CCDC178: variants seen among roughly 807,000 people sequenced by gnomAD.
The protein encoded by CCDC178 is coiled-coil domain-containing protein 178.
Under a neutral mutation model 117.4 loss-of-function variants are expected in CCDC178, and 126 were observed. That is an observed-to-expected ratio of 1.07 (90% CI 0.93 to 1.24). CCDC178 has a LOEUF of 1.24. Among genes scored for constraint, CCDC178 ranks in the 50% most tolerant of loss-of-function variants. CCDC178 has a pLI of 0.00. For synonymous variants in CCDC178, 283 were observed against 313.4 expected (o/e 0.90, Z 1.02); for missense variants, 1,030 against 986.9 (o/e 1.04, Z -0.59).
intron 21 of CCDC178, among the ~76,000 whole-genome samples, chr18:33,019,380 A>G (rs561387239): frequency 2.9e-4 from 44 of 152,178 alleles, no homozygotes; most frequent in Non-Finnish European, 5.9e-4. Flanking sequence ...TCAGGCTGCC[A>G]TATGGAAAAC....
rs1439544042 is a variant in CCDC178 at position 33,147,607 on chromosome 18, A to G, written c.2239-54697T>C. 3.3e-5 allele frequency among the ~76,000 whole-genome samples: 5 copies of G among 151,770 alleles called. No homozygotes were observed. In the South Asian group the frequency reaches 1.0e-3, roughly 32 times the overall value. On this transcript the variant is annotated intron_variant, in intron 20 of 22. Transcript: ENST00000383096. ...TGCTGCCTTCAAGCATCTGTTTAACAAAGCACATCTTGCACCACCCTTAAT... is the reference window on the plus strand; with the variant it reads ...TGCTGCCTTCAAGCATCTGTTTAACGAAGCACATCTTGCACCACCCTTAAT...
chr18:33,095,206 C>G (rs1236009019), intron 20 of CCDC178, among the ~76,000 whole-genome samples: 2 of 151,802 alleles, frequency 1.3e-5, no homozygotes, highest in Non-Finnish European at 2.9e-5. Context: ...ACATATAACA[C>G]TTTCTCAAAG....
chr18:33,404,534 G>A (rs1171357907), intron 3 of CCDC178, among the ~76,000 whole-genome samples: 1 of 151,956 alleles, frequency 6.6e-6, no homozygotes, highest in Non-Finnish European at 1.5e-5. Flanking sequence ...CTGCTTCTGT[G>A]GAAAGCAATT....
At chr18:33,411,550 AT>A (rs2063854399) in intron 3 of CCDC178, among the ~76,000 whole-genome samples, 1 of 151,648 alleles carries the variant, frequency 6.6e-6, no homozygotes, top group South Asian at 2.1e-4. Flanking sequence ...ATGCAAAAAA[AT>A]AAAGTAATGC....
At chr18:33,396,666 C>A (rs917322736) in intron 4 of CCDC178, among the ~76,000 whole-genome samples, 8 of 152,030 alleles carry the variant, frequency 5.3e-5, no homozygotes, top group African/African-American at 1.2e-4. Flanking sequence ...AATTAACAAG[C>A]ATGCAAAATT....
chr18:32,951,618 C>G (rs2054485797), intron 22 of CCDC178, among the ~76,000 whole-genome samples: 1 of 152,158 alleles, frequency 6.6e-6, no homozygotes, highest in Non-Finnish European at 1.5e-5. Flanking sequence ...GGTGGGGCAC[C>G]AAGCCAAACC....
intron 20 of CCDC178, among the ~76,000 whole-genome samples, chr18:33,166,763 T>C (rs2058535865): frequency 6.6e-6 from 1 of 152,180 alleles, no homozygotes; most frequent in Non-Finnish European, 1.5e-5. Flanking sequence ...TACGTAAAAA[T>C]TCATACTGGT....
At chr18:32,942,405 T>C (rs1163346542) in intron 22 of CCDC178, among the ~76,000 whole-genome samples, 1 of 152,042 alleles carries the variant, frequency 6.6e-6, no homozygotes, top group African/African-American at 2.4e-5. Context: ...TCTTTTACAG[T>C]TGATTTATAC....
intron 3 of CCDC178, among the ~76,000 whole-genome samples, chr18:33,401,673 T>C (rs1489522980): frequency 6.6e-6 from 1 of 152,078 alleles, no homozygotes; most frequent in Non-Finnish European, 1.5e-5. Context: ...GCGTTTAGAT[T>C]TAATAATTTA....
chr18:33,077,965 G>A (rs2057237066), intron 21 of CCDC178, among the ~76,000 whole-genome samples: 1 of 152,114 alleles, frequency 6.6e-6, no homozygotes, highest in Non-Finnish European at 1.5e-5. Flanking sequence ...AAACCTGGCA[G>A]ACACACAACA....
chr18:33,232,953 G>A (rs2059384324), intron 15 of CCDC178, among the ~76,000 whole-genome samples: 1 of 151,800 alleles, frequency 6.6e-6, no homozygotes, highest in Non-Finnish European at 1.5e-5. Flanking sequence ...TTCTATTATT[G>A]AGAAATTTGT....
chr18:33,170,219 T>G (rs1298859320), intron 20 of CCDC178, among the ~76,000 whole-genome samples: 1 of 152,096 alleles, frequency 6.6e-6, no homozygotes, highest in Non-Finnish European at 1.5e-5. Flanking sequence ...AGTTTAAGGC[T>G]CTGTGTAACC....
chr18:33,094,003 T>C (rs191742294), intron 20 of CCDC178, among the ~76,000 whole-genome samples: 3 of 152,034 alleles, frequency 2.0e-5, no homozygotes, highest in African/African-American at 4.8e-5. Context: ...TTAAAAAATA[T>C]GTTGCCATGC....
chr18:33,166,105 C>G (rs1016758591), intron 20 of CCDC178, among the ~76,000 whole-genome samples: 1 of 152,090 alleles, frequency 6.6e-6, no homozygotes, highest in Non-Finnish European at 1.5e-5. Context: ...GTGAAAAAGA[C>G]AGATATCTTA....
chr18:33,156,870 G>A (rs879793196), intron 20 of CCDC178, among the ~76,000 whole-genome samples: 68 of 152,114 alleles, frequency 4.5e-4, no homozygotes, highest in Non-Finnish European at 8.7e-4. Flanking sequence ...AGCAATGCCT[G>A]GTATTCAGTT....
intron 22 of CCDC178, among the ~76,000 whole-genome samples, chr18:32,972,433 A>G (rs2054946898): frequency 6.6e-6 from 1 of 152,116 alleles, no homozygotes; most frequent in South Asian, 2.1e-4. Flanking sequence ...CTTGTAGTAT[A>G]GTTTGAAGTC....
At chr18:33,021,562 A>G (rs1384089578) in intron 21 of CCDC178, among the ~76,000 whole-genome samples, 1 of 151,988 alleles carries the variant, frequency 6.6e-6, no homozygotes, top group Non-Finnish European at 1.5e-5. Context: ...AACACACAAC[A>G]CACACAAAAC....
rs538980292 is a variant in CCDC178 at position 33,440,671 on chromosome 18, C to T, written c.-161G>A. On this transcript the variant is annotated 5_prime_UTR_variant, in exon 1 of 23. Coordinates refer to ENST00000383096, the MANE Select transcript of CCDC178 (RefSeq NM_001105528.4). The stretch of plus-strand genomic sequence containing the variant: ...GACTCACCGGCTCCGCGCGTTTCCC[C>T]GCGCGTCTCCCGGACCCGCGCCTGC... 147 of 152,010 alleles carry T rather than the reference C, an allele frequency of 9.7e-4. No individual in the cohort carries two copies. The highest frequency in any genetic ancestry group is 1.8e-3 in the Non-Finnish European group (122 of 68,080). The allele number at this position is 152,010 out of a possible 1,614,324, so 9.4% of individuals were successfully genotyped here. A position where few individuals can be genotyped will look rare whatever the true frequency, so the allele number is the denominator to read the frequency against.
chr18:33,166,365 A>G (rs79524683), intron 20 of CCDC178, among the ~76,000 whole-genome samples: 46 of 152,328 alleles, frequency 3.0e-4, no homozygotes, highest in Non-Finnish European at 6.2e-4. Flanking sequence ...CCTTTGTCAC[A>G]AAATATTTTA....
Sources: allele counts gnomAD v4.1 joint callset (sites outside exome capture counted in the v4.1 genomes callset), GRCh38; gene constraint gnomAD v4.1.1; transcripts MANE v1.5; gene names NCBI Gene and HGNC (gene_info 2026-07-23, HGNC 2026-07-21).